The following LRRC4C variants were observed in gnomAD, a reference collection of about 807,000 sequenced individuals.
LRRC4C encodes leucine-rich repeat-containing protein 4C.
In LRRC4C, 5 loss-of-function variants were observed where a neutral mutation model predicts 33.6. The ratio of observed to expected loss-of-function variants is 0.15; its 90% confidence interval spans 0.08 to 0.31. LRRC4C has a LOEUF of 0.31. LRRC4C is among the 10% of genes least tolerant of loss of function. The pLI is 1.00. For synonymous variants in LRRC4C, 329 were observed against 302.0 expected (o/e 1.09, Z -0.93); for missense variants, 560 against 796.7 (o/e 0.70, Z 3.58).
intron 2 of LRRC4C, among the ~76,000 whole-genome samples, chr11:40,774,937 T>C (rs1949920317): frequency 6.6e-6 from 1 of 152,092 alleles, no homozygotes; most frequent in Non-Finnish European, 1.5e-5. Context: ...GCTGGCATAT[T>C]AATCTCTGCT....
intron 1 of LRRC4C, among the ~76,000 whole-genome samples, chr11:41,124,457 T>C (rs1942637293): frequency 6.6e-5 from 10 of 152,206 alleles, no homozygotes; most frequent in Admixed American, 6.5e-4. Context: ...GGAACTGTCT[T>C]TTCTTCGTTC....
At chr11:40,700,859 A>G (rs911744321) in intron 2 of LRRC4C, among the ~76,000 whole-genome samples, 2 of 152,210 alleles carry the variant, frequency 1.3e-5, no homozygotes, top group Non-Finnish European at 2.9e-5. Flanking sequence ...AAATAAAATA[A>G]GTACTATTTT....
chr11:41,389,434 G>C (rs908052218), intron 1 of LRRC4C, among the ~76,000 whole-genome samples: 7 of 151,670 alleles, frequency 4.6e-5, no homozygotes, highest in African/African-American at 1.7e-4. Flanking sequence ...CAGCGACTAA[G>C]TTTCAATTAA....
At chr11:40,277,965 T>A (rs1166530774) in intron 4 of LRRC4C, among the ~76,000 whole-genome samples, 1 of 152,200 alleles carries the variant, frequency 6.6e-6, no homozygotes, top group East Asian at 1.9e-4. Context: ...GCAGTCTCCT[T>A]CATTGCTTTA....
At chr11:41,411,767 TTC>T (rs565632670) in intron 1 of LRRC4C, among the ~76,000 whole-genome samples, 27 of 152,300 alleles carry the variant, frequency 1.8e-4, no homozygotes, top group African/African-American at 6.5e-4. Flanking sequence ...CTCCCAGAAC[TTC>T]TGTTTCCTCC....
chr11:40,830,717 G>A lies in LRRC4C; in HGVS notation c.-407+102918C>T, dbSNP rs537802044. Among the ~76,000 whole-genome samples the A allele has an allele frequency of 9.9e-5, 15 of 152,062 alleles. No homozygotes were observed. In the South Asian group the frequency reaches 2.1e-3, roughly 21 times the overall value. ...CATGCCGACGTACACCATATGGGGC[G>A]GATTCATCTTCGTTTGTAGGTTGGT... is the stretch of plus-strand genomic sequence containing the variant. On this transcript the variant is annotated intron_variant, in intron 2 of 6. Coordinates refer to ENST00000528697, the MANE Select transcript of LRRC4C (RefSeq NM_001258419.2).
At chr11:40,871,369 G>T (rs1339376266) in intron 2 of LRRC4C, among the ~76,000 whole-genome samples, 1 of 151,942 alleles carries the variant, frequency 6.6e-6, no homozygotes, top group Non-Finnish European at 1.5e-5. Flanking sequence ...GGCTCAGGGG[G>T]CATCACAGAA....
At chr11:40,612,595 A>C (rs4372432) in intron 3 of LRRC4C, among the ~76,000 whole-genome samples, 5,706 of 152,078 alleles carry the variant, frequency 0.038, 345 homozygotes, top group African/African-American at 0.13. Flanking sequence ...TTCAAAATAT[A>C]ATGTAATATT....
At chr11:40,441,131 G>T (rs982582703) in intron 3 of LRRC4C, among the ~76,000 whole-genome samples, 2 of 152,024 alleles carry the variant, frequency 1.3e-5, no homozygotes, top group Non-Finnish European at 2.9e-5. Context: ...TGTAGTCTTC[G>T]GGAATCAGTC....
chr11:40,967,613 C>A (rs180923377), intron 1 of LRRC4C, among the ~76,000 whole-genome samples: 50 of 152,006 alleles, frequency 3.3e-4, no homozygotes, highest in African/African-American at 1.1e-3. Flanking sequence ...TTATAGTGAT[C>A]TATGGTCAGT....
intron 3 of LRRC4C, among the ~76,000 whole-genome samples, chr11:40,599,449 A>C (rs1420881802): frequency 6.6e-6 from 1 of 152,178 alleles, no homozygotes; most frequent in Non-Finnish European, 1.5e-5. Flanking sequence ...CCCTGTCTGA[A>C]GAATATGGCC....
intron 3 of LRRC4C, among the ~76,000 whole-genome samples, chr11:40,538,864 G>A (rs1156332982): frequency 6.6e-6 from 1 of 152,112 alleles, no homozygotes; most frequent in Non-Finnish European, 1.5e-5. Flanking sequence ...TCTCGTTGTG[G>A]TTTTGATTTG....
chr11:40,598,303 A>C (rs1959582808), intron 3 of LRRC4C, among the ~76,000 whole-genome samples: 1 of 152,218 alleles, frequency 6.6e-6, no homozygotes, highest in African/African-American at 2.4e-5. Context: ...ACAAACAAAG[A>C]GCCTCAAAAC....
At chr11:41,353,925 G>C (rs1024522822) in intron 1 of LRRC4C, among the ~76,000 whole-genome samples, 1 of 151,724 alleles carries the variant, frequency 6.6e-6, no homozygotes, top group African/African-American at 2.4e-5. Context: ...ACATCATACT[G>C]AACAGGCAAA....
intron 3 of LRRC4C, among the ~76,000 whole-genome samples, chr11:40,432,239 C>T (rs1317637325): frequency 6.6e-6 from 1 of 151,930 alleles, no homozygotes; most frequent in East Asian, 1.9e-4. Flanking sequence ...CTGCCCAAGA[C>T]TTCTCCTTTT....
At chr11:40,964,089 G>A (rs550458690) in intron 1 of LRRC4C, among the ~76,000 whole-genome samples, 1 of 151,356 alleles carries the variant, frequency 6.6e-6, no homozygotes, top group East Asian at 2.0e-4. Context: ...TCAATGTGCC[G>A]CAGTTTCTTC....
intron 1 of LRRC4C, among the ~76,000 whole-genome samples, chr11:40,936,034 A>G (rs1957872636): frequency 1.7e-5 from 1 of 57,478 alleles, no homozygotes; most frequent in Admixed American, 2.0e-4. Flanking sequence ...ATATATATAT[A>G]TATATATATA....
At chr11:41,396,226 G>A (rs971023530) in intron 1 of LRRC4C, among the ~76,000 whole-genome samples, 6 of 151,894 alleles carry the variant, frequency 4.0e-5, no homozygotes, top group African/African-American at 1.4e-4. Context: ...CAAGCAAATC[G>A]AAAAAGTAGT....
intron 1 of LRRC4C, among the ~76,000 whole-genome samples, chr11:40,969,593 A>G (rs1851586926): frequency 6.6e-6 from 1 of 152,176 alleles, no homozygotes; most frequent in East Asian, 1.9e-4. Context: ...GTCAGCAACT[A>G]TCAATATCAA....
Sources: gnomAD v4.1 joint callset for allele counts (sites outside exome capture counted in the v4.1 genomes callset) on GRCh38, gnomAD v4.1.1 for gene constraint, MANE v1.5 for transcripts, NCBI Gene and HGNC (gene_info 2026-07-23, HGNC 2026-07-21) for gene names.